The following PPP1R12B variants were observed in gnomAD, a reference collection of about 807,000 sequenced individuals.
The protein encoded by PPP1R12B is protein phosphatase 1 regulatory subunit 12B.
Under a neutral mutation model 126.1 loss-of-function variants are expected in PPP1R12B, and 76 were observed. That is an observed-to-expected ratio of 0.60 (90% CI 0.50 to 0.73). PPP1R12B has a LOEUF of 0.73. PPP1R12B is among the 30% of genes least tolerant of loss of function. The pLI, the probability that PPP1R12B is intolerant of heterozygous loss-of-function variation, is 0.00. For missense variants in PPP1R12B, 1,052 were observed against 1,205.1 expected (o/e 0.87, Z 1.88); for synonymous variants, 356 against 434.7 (o/e 0.82, Z 2.25).
At chr1:202,548,960 C>G (rs1686014470) in intron 18 of PPP1R12B, among the ~76,000 whole-genome samples, 1 of 151,762 alleles carries the variant, frequency 6.6e-6, no homozygotes, top group Non-Finnish European at 1.5e-5. Flanking sequence ...CCTGCCAAAA[C>G]CAAGAAAATA....
rs918814590 is a variant in PPP1R12B at position 202,508,189 on chromosome 1, A to G, written c.2490+11367A>G. On this transcript the variant is annotated intron_variant, in intron 18 of 23. Transcript: ENST00000608999. The surrounding 1 kb of genome is among the most constrained non-coding windows in gnomAD (Gnocchi z 4.5). ...AGTCTTCAGTAAAGCAAGTTCAAGG[A>G]TCAGATAGCAGCCATTTAGTGACAT... 6.6e-6 allele frequency among the ~76,000 whole-genome samples: 1 copy of G among 152,182 alleles called. No individual in the cohort carries two copies. The highest frequency in any genetic ancestry group is 1.5e-5 in the Non-Finnish European group (1 of 68,016).
At chr1:202,353,631 A>G (rs866604246) in intron 1 of PPP1R12B, among the ~76,000 whole-genome samples, 1 of 59,042 alleles carries the variant, frequency 1.7e-5, no homozygotes, top group Non-Finnish European at 3.7e-5. Context: ...TGTGTGTGTG[A>G]CAGGGTCTTG....
chr1:202,449,234 G>T, intron 13 of PPP1R12B, 63 bp downstream of exon 13: 1 of 1,498,088 alleles, frequency 6.7e-7, no homozygotes, highest in South Asian at 1.3e-5. Context: ...AAAGGAATGG[G>T]CATAAAGTGT....
At chr1:202,524,717 A>G (rs1683133854) in intron 18 of PPP1R12B, among the ~76,000 whole-genome samples, 1 of 152,182 alleles carries the variant, frequency 6.6e-6, no homozygotes, top group Non-Finnish European at 1.5e-5. Flanking sequence ...ATGGCTGAGT[A>G]GTATTCCATG....
chr1:202,575,096 T>G, intron 23 of PPP1R12B: 1 of 1,613,718 alleles, frequency 6.2e-7, no homozygotes, highest in Non-Finnish European at 8.5e-7. Context: ...GTGGCCAGAC[T>G]CTCGGAGTCC....
At chr1:202,409,690 G>A (rs1667135781) in intron 1 of PPP1R12B, among the ~76,000 whole-genome samples, 1 of 151,928 alleles carries the variant, frequency 6.6e-6, no homozygotes, top group South Asian at 2.1e-4. Context: ...TTTAGAGATG[G>A]GTCTTGTGTG....
At chr1:202,372,123 G>A (rs1315151086) in intron 1 of PPP1R12B, among the ~76,000 whole-genome samples, 1 of 151,818 alleles carries the variant, frequency 6.6e-6, no homozygotes, top group East Asian at 1.9e-4. Flanking sequence ...TACCCACCTC[G>A]GCCTCCCAAA....
chr1:202,459,027 T>C (rs1363626323), intron 13 of PPP1R12B, among the ~76,000 whole-genome samples: 1 of 152,218 alleles, frequency 6.6e-6, no homozygotes, highest in Admixed American at 6.5e-5. Flanking sequence ...CTGAGAATGT[T>C]TTATCTTAAG....
intron 10 of PPP1R12B, chr1:202,438,960 A>G: frequency 6.5e-7 from 1 of 1,532,268 alleles, no homozygotes. Context: ...CCTGACCTGG[A>G]GATGCTCACA....
At chr1:202,362,102 C>A (rs1163615653) in intron 1 of PPP1R12B, among the ~76,000 whole-genome samples, 1 of 151,158 alleles carries the variant, frequency 6.6e-6, no homozygotes, top group Non-Finnish European at 1.5e-5. Flanking sequence ...AACATTTTTG[C>A]CAGGTTTCTT....
intron 1 of PPP1R12B, among the ~76,000 whole-genome samples, chr1:202,387,352 C>T (rs1309511941): frequency 1.3e-5 from 2 of 152,128 alleles, no homozygotes; most frequent in Non-Finnish European, 2.9e-5. Context: ...AAAGGTGAAA[C>T]TTAGTCTCAA....
At chr1:202,398,370 T>C (rs573737469) in intron 1 of PPP1R12B, among the ~76,000 whole-genome samples, 2 of 152,312 alleles carry the variant, frequency 1.3e-5, no homozygotes, top group East Asian at 3.9e-4. Flanking sequence ...AATGTAAAGC[T>C]CCTACTTCAT....
chr1:202,556,369 T>G (rs954136312), intron 18 of PPP1R12B, among the ~76,000 whole-genome samples: 4 of 152,234 alleles, frequency 2.6e-5, no homozygotes, highest in African/African-American at 9.6e-5. Flanking sequence ...GCCATCACAC[T>G]TCTCAGAGCA....
At chr1:202,366,900 T>C (rs1659336034) in intron 1 of PPP1R12B, among the ~76,000 whole-genome samples, 1 of 152,222 alleles carries the variant, frequency 6.6e-6, no homozygotes, top group African/African-American at 2.4e-5. Context: ...GGCTATTTCA[T>C]GGAGTCACTG....
At chr1:202,551,027 A>T (rs1686258394) in intron 18 of PPP1R12B, among the ~76,000 whole-genome samples, 1 of 152,246 alleles carries the variant, frequency 6.6e-6, no homozygotes, top group South Asian at 2.1e-4. Flanking sequence ...ATTAGGTAGC[A>T]CAATAGAGAC....
intron 1 of PPP1R12B, among the ~76,000 whole-genome samples, chr1:202,352,715 C>T (rs1195948008): frequency 6.6e-6 from 1 of 151,956 alleles, no homozygotes; most frequent in Non-Finnish European, 1.5e-5. Flanking sequence ...TGCAAAATCC[C>T]GTCTCTACTA....
At chr1:202,397,537 C>T (rs922265428) in intron 1 of PPP1R12B, among the ~76,000 whole-genome samples, 10 of 152,280 alleles carry the variant, frequency 6.6e-5, no homozygotes, top group Non-Finnish European at 1.0e-4. Flanking sequence ...TTATGATATT[C>T]CTCAACCTTT....
At chr1:202,410,649 A>G (rs1667266775) in intron 1 of PPP1R12B, among the ~76,000 whole-genome samples, 1 of 152,218 alleles carries the variant, frequency 6.6e-6, no homozygotes, top group African/African-American at 2.4e-5. Context: ...CAGGTACAGT[A>G]GTGAGATCAC....
chr1:202,492,833 A>G (rs972605008), intron 14 of PPP1R12B, among the ~76,000 whole-genome samples: 2 of 152,208 alleles, frequency 1.3e-5, no homozygotes, highest in Non-Finnish European at 2.9e-5. Context: ...GAAAAAGTAC[A>G]TCTATAACAG....
Sources: allele counts gnomAD v4.1 joint callset (sites outside exome capture counted in the v4.1 genomes callset), GRCh38; gene constraint gnomAD v4.1.1; non-coding constraint Gnocchi (gnomAD v3.1); transcripts MANE v1.5; gene names NCBI Gene and HGNC (gene_info 2026-07-23, HGNC 2026-07-21).